The following DLGAP3 variants were observed in gnomAD, a reference collection of about 807,000 sequenced individuals.
The protein encoded by DLGAP3 is disks large-associated protein 3.
Under a neutral mutation model 81.2 loss-of-function variants are expected in DLGAP3, and 17 were observed. The observed-to-expected ratio is 0.21, with a 90% CI of 0.14 to 0.31. The LOEUF is 0.31. Ranked by LOEUF, DLGAP3 falls within the 10% of genes least tolerant of loss-of-function variation. The pLI is 1.00. For missense variants in DLGAP3, 1,124 were observed against 1,388.0 expected, an observed-to-expected ratio of 0.81 and a Z score of 3.02; for synonymous variants, 577 against 587.4, an observed-to-expected ratio of 0.98 and a Z score of 0.26.
In DLGAP3 at chr1:34,929,274, C is replaced by G. The variant is rs2148424008; in HGVS notation, c.-135+177G>C. 6.6e-6 allele frequency among the ~76,000 whole-genome samples: 1 copy of G among 151,040 alleles called. No individual in the cohort carries two copies. The highest frequency in any genetic ancestry group is 6.6e-5 in the Admixed American group (1 of 15,200). ...GGGTCGGGCCCGCGGGCAGCCAGGCCGGGGCAGGAGCGGGGGCAGCTGAGG... is the reference window on the plus strand; with the variant it reads ...GGGTCGGGCCCGCGGGCAGCCAGGCGGGGGCAGGAGCGGGGGCAGCTGAGG... On this transcript the variant is annotated intron_variant, in intron 1 of 11. Coordinates refer to ENST00000373347, the MANE Select transcript of DLGAP3 (RefSeq NM_001080418.3). This position sits in a 1 kb window ranked among gnomAD's most constrained non-coding sequence, Gnocchi z 6.5.
chr1:34,900,262 A>C lies in DLGAP3; in HGVS notation c.1119T>G (p.Asp373Glu), dbSNP rs757775760. ...RTYHYLQVPQ[D>E]DWGGYPTGGK... is the part of the protein sequence containing the mutation. ...CACCGGTGGGGTAACCCCCCCAGTC[A>C]TCTTGCGGCACCTGCAGGAACAGGG... Residue 373 changes from aspartate (D) to glutamate (E), a missense_variant, in exon 4 of 12, where the codon GAT (aspartate) becomes GAG (glutamate). Physicochemically the swap from Asp to Glu is conservative, Grantham distance 45. Transcript: ENST00000373347. The surrounding 1 kb of genome is among the most constrained non-coding windows in gnomAD (Gnocchi z 5.6). 1 of 1,613,900 alleles carries C rather than the reference A, an allele frequency of 6.2e-7. No individual in the cohort carries two copies. Among genetic ancestry groups the C allele is most frequent in the Non-Finnish European group, 8.5e-7 (1 of 1,179,980 alleles).
At chr1:34,880,546 C>T (rs1199885905) in intron 8 of DLGAP3, among the ~76,000 whole-genome samples, 1 of 152,060 alleles carries the variant, frequency 6.6e-6, no homozygotes, top group Non-Finnish European at 1.5e-5. Flanking sequence ...GCCTAGTCAA[C>T]ATGGTGAAAA....
chr1:34,902,632 T>C lies in DLGAP3; in HGVS notation c.1107+1645A>G, dbSNP rs200931816. The stretch of plus-strand genomic sequence containing the variant: ...CAGACTTCCCAGTCCTCAGATGCCC[T>C]GGAACTCCAGACCGGAGGGATCATT... On this transcript the variant is annotated intron_variant, in intron 3 of 11. Transcript: ENST00000373347. This position sits in a 1 kb window ranked among gnomAD's most constrained non-coding sequence, Gnocchi z 4.4. 6.6e-6 allele frequency among the ~76,000 whole-genome samples: 1 copy of C among 152,068 alleles called. No homozygotes were observed. The highest frequency in any genetic ancestry group is 1.9e-4 in the East Asian group (1 of 5,160).
chr1:34,885,458 G>A lies in DLGAP3; in HGVS notation c.1914+20C>T. 1.2e-6 allele frequency: 2 copies of A among 1,604,074 alleles called. No individual in the cohort carries two copies. The highest frequency in any genetic ancestry group is 1.7e-6 in the Non-Finnish European group (2 of 1,179,452). ...ACCGACCAGGGTCAGAGCCCTCGTG[G>A]GCGCCTCCCCGTTCCATACCTGCAC... is the stretch of plus-strand genomic sequence containing the variant. On this transcript the variant is annotated intron_variant, in intron 7 of 11. Coordinates refer to ENST00000373347, the MANE Select transcript of DLGAP3 (RefSeq NM_001080418.3).
In DLGAP3 at chr1:34,905,265, G is replaced by A. The variant is rs775834063; in HGVS notation, c.119C>T (p.Ala40Val). The change falls in exon 3 of 12, where the codon GCC becomes GTC. Residue 40 changes from alanine to valine, a missense_variant. By Grantham distance (64) the Ala-to-Val change is moderately conservative (BLOSUM62 0). Around this residue, in one of 9 missense-constraint regions of DLGAP3, gnomAD observed 167 missense variants for 172.1 expected, o/e 0.97. Coordinates refer to ENST00000373347, the MANE Select transcript of DLGAP3 (RefSeq NM_001080418.3). ...ACAGAAGCGGGGCTCGGTGGAGAAG[G>A]CCTCCCTGGAGCCCAGCAGGTATGG... ...RAPYLLGSRE[A>V]FSTEPRFCAP... The A allele has an allele frequency of 2.9e-5, 45 of 1,550,000 alleles. No homozygotes were observed. Among genetic ancestry groups the A allele is most frequent in the Non-Finnish European group, 3.8e-5 (43 of 1,145,872 alleles).
At position 34,868,904 on chromosome 1, in the gene DLGAP3, C is replaced by T. The variant is rs772418605; in HGVS notation, c.2186G>A (p.Arg729His). 18 of 1,606,310 alleles carry T rather than the reference C, an allele frequency of 1.1e-5. No homozygotes were observed. The highest frequency in any genetic ancestry group is 4.5e-5 in the East Asian group (2 of 44,866). Reference protein sequence around the residue: ...GPRAPTYSVFRTVHTQGQWAY... With the variant: ...GPRAPTYSVFHTVHTQGQWAY... ...CCACTGGCCCTGCGTGTGGACCGTG[C>T]GGAAGACTGAGTAGGTGGGGGCCCG... The change falls in exon 9 of 12, where the codon CGC becomes CAC. Residue 729 changes from arginine to histidine, a missense_variant. By Grantham distance (29) the Arg-to-His change is conservative (BLOSUM62 0). This residue lies in a region of DLGAP3 where 379 missense variants were observed against 455.7 expected (regional missense o/e 0.83). Transcript: ENST00000373347. The surrounding 1 kb of genome is among the most constrained non-coding windows in gnomAD (Gnocchi z 7.5).
chr1:34,928,617 T>A (rs953915391), intron 1 of DLGAP3, among the ~76,000 whole-genome samples: 3 of 151,938 alleles, frequency 2.0e-5, no homozygotes, highest in Non-Finnish European at 4.4e-5. Context: ...CTGTCCCATA[T>A]CCCACCAGGA....
intron 8 of DLGAP3, among the ~76,000 whole-genome samples, chr1:34,870,723 G>T (rs952639275): frequency 2.0e-5 from 3 of 152,132 alleles, no homozygotes; most frequent in African/African-American, 7.2e-5. Flanking sequence ...CTCAGTGTCT[G>T]CCCTGTCCTG....
At chr1:34,903,429 C>T (rs1639494358) in intron 3 of DLGAP3, among the ~76,000 whole-genome samples, 1 of 152,184 alleles carries the variant, frequency 6.6e-6, no homozygotes, top group Admixed American at 6.5e-5. Flanking sequence ...TCAACTATGT[C>T]GAATGCGGAA....
Position 34,868,602 on chromosome 1 carries a change from C to T in DLGAP3, c.2485+3G>A. The T allele has an allele frequency of 6.2e-7, 1 of 1,611,772 alleles. No individual in the cohort carries two copies. The highest frequency in any genetic ancestry group is 8.5e-7 in the Non-Finnish European group (1 of 1,179,162). Reference sequence around the variant, plus strand: ...GTCCCCTTGTTCCGATGCCGTGACTCACTCTCCTCGGGTAGCTCATAGTCC... The same window carrying T: ...GTCCCCTTGTTCCGATGCCGTGACTTACTCTCCTCGGGTAGCTCATAGTCC... On this transcript the variant is annotated splice_donor_region_variant and intron_variant, in intron 9 of 11. Transcript: ENST00000373347. This position sits in a 1 kb window ranked among gnomAD's most constrained non-coding sequence, Gnocchi z 7.5.
chr1:34,885,532 C>T lies in DLGAP3; in HGVS notation c.1860G>A (p.Glu620=). The change falls in exon 7 of 12, where the codon GAG becomes GAA. Residue 620 remains glutamate (E), a synonymous_variant. Transcript: ENST00000373347. Reference sequence around the variant, plus strand: ...GCTGCCGCGCCAGGCTCCGCAGCTCCTCCCTGCCAGGGATGGTCTTGATGA... The same window carrying T: ...GCTGCCGCGCCAGGCTCCGCAGCTCTTCCCTGCCAGGGATGGTCTTGATGA... ...TLIIKTIPGR[E]ELRSLARQRK... is the part of the protein sequence containing the mutation. 1 of 1,609,158 alleles carries T rather than the reference C, an allele frequency of 6.2e-7. No individual in the cohort carries two copies. Among genetic ancestry groups the T allele is most frequent in the Non-Finnish European group, 8.5e-7 (1 of 1,179,818 alleles).
At chr1:34,889,062 A>C (rs1391210999) in intron 5 of DLGAP3, among the ~76,000 whole-genome samples, 1 of 152,206 alleles carries the variant, frequency 6.6e-6, no homozygotes, top group East Asian at 1.9e-4. Context: ...CACTAGGCAT[A>C]ATATCTGGCA....
intron 11 of DLGAP3, 107 bp downstream of exon 11, chr1:34,866,941 C>T: frequency 7.6e-7 from 1 of 1,320,452 alleles, no homozygotes; most frequent in South Asian, 1.2e-5. Context: ...GCCCTTGCTG[C>T]CCATGGATCC....
Position 34,866,165 on chromosome 1 carries a change from G to T in DLGAP3, c.2858C>A (p.Ala953Asp). The change falls in exon 12 of 12, where the codon GCC becomes GAC. Residue 953 changes from alanine to aspartate, a missense_variant. Physicochemically the swap from Ala to Asp is moderately radical, Grantham distance 126 (BLOSUM62 -2). This residue lies in a region of DLGAP3 where 133 missense variants were observed against 171.1 expected (regional missense o/e 0.78). Coordinates refer to ENST00000373347, the MANE Select transcript of DLGAP3 (RefSeq NM_001080418.3). Reference sequence around the variant, plus strand: ...GGCCGAGCTGTGGCGGAAGGAAGCGGCGCGCTTGGCCGCCAGGAGCCGCTT... The same window carrying T: ...GGCCGAGCTGTGGCGGAAGGAAGCGTCGCGCTTGGCCGCCAGGAGCCGCTT... ...ARKRLLAAKR[A>D]ASFRHSSATE... The T allele has an allele frequency of 6.3e-7, 1 of 1,596,926 alleles. No homozygotes were observed. The highest frequency in any genetic ancestry group is 8.5e-7 in the Non-Finnish European group (1 of 1,178,274).
rs770691703 is a variant in DLGAP3 at position 34,868,575 on chromosome 1, G to A, written c.2485+30C>T. 1.6e-5 allele frequency: 26 copies of A among 1,589,080 alleles called. No homozygotes were observed. Among genetic ancestry groups the A allele is most frequent in the Non-Finnish European group, 2.2e-5 (25 of 1,159,912 alleles). On this transcript the variant is annotated intron_variant, in intron 9 of 11. Transcript: ENST00000373347. This position sits in a 1 kb window ranked among gnomAD's most constrained non-coding sequence, Gnocchi z 7.5. Reference sequence around the variant, plus strand: ...AGCACACACGAGGCCATGGTCCCCAGAGTCCCCTTGTTCCGATGCCGTGAC... The same window carrying A: ...AGCACACACGAGGCCATGGTCCCCAAAGTCCCCTTGTTCCGATGCCGTGAC...
chr1:34,925,192 C>A (rs927833346), intron 1 of DLGAP3, among the ~76,000 whole-genome samples: 3 of 151,970 alleles, frequency 2.0e-5, no homozygotes, highest in African/African-American at 7.3e-5. Flanking sequence ...AACCCCCCCC[C>A]CACCTTCCCT....
In DLGAP3 at chr1:34,867,745, C is replaced by A; in HGVS notation, c.2486-118G>T. On this transcript the variant is annotated intron_variant, in intron 9 of 11. Coordinates refer to ENST00000373347, the MANE Select transcript of DLGAP3 (RefSeq NM_001080418.3). The surrounding 1 kb of genome is among the most constrained non-coding windows in gnomAD (Gnocchi z 4.3). Reference sequence around the variant, plus strand: ...TGCTTGGCACTGTGTATCCATCAGTCTCCTCCAGCCCCAGCCCCATCCCAT... The same window carrying A: ...TGCTTGGCACTGTGTATCCATCAGTATCCTCCAGCCCCAGCCCCATCCCAT... 1.2e-6 allele frequency: 1 copy of A among 807,968 alleles called. No homozygotes were observed. Among genetic ancestry groups the A allele is most frequent in the South Asian group, 1.4e-5 (1 of 72,642 alleles). The allele number at this position is 807,968 out of a possible 1,614,324, so 50.0% of individuals were successfully genotyped here.
intron 7 of DLGAP3, 21 bp downstream of exon 7, chr1:34,885,457 G>A: frequency 3.7e-6 from 6 of 1,604,006 alleles, no homozygotes; most frequent in Non-Finnish European, 5.1e-6. Context: ...GAGCCCTCGT[G>A]GGCGCCTCCC....
At chr1:34,919,694 C>G (rs1000617186) in intron 1 of DLGAP3, among the ~76,000 whole-genome samples, 5 of 152,144 alleles carry the variant, frequency 3.3e-5, no homozygotes, top group African/African-American at 1.2e-4. Flanking sequence ...ACAGGGGAAT[C>G]GCTTGAAAGC....
Sources: gnomAD v4.1 joint callset for allele counts (sites outside exome capture counted in the v4.1 genomes callset) on GRCh38, gnomAD v4.1.1 for gene constraint, gnomAD v4.1.1 regional missense constraint, Gnocchi (gnomAD v3.1) non-coding constraint, MANE v1.5 for transcripts, NCBI Gene and HGNC (gene_info 2026-07-23, HGNC 2026-07-21) for gene names.